The following PCSK2 variants were observed in gnomAD, a reference collection of about 807,000 sequenced individuals.
PCSK2 encodes proprotein convertase subtilisin/kexin type 2.
Under a neutral mutation model 69.7 loss-of-function variants are expected in PCSK2, and 14 were observed. The observed-to-expected ratio is 0.20, with a 90% CI of 0.13 to 0.31. The LOEUF (loss-of-function observed/expected upper bound fraction) is 0.31. PCSK2 is among the 10% of genes least tolerant of loss of function. The pLI, the probability that PCSK2 is intolerant of heterozygous loss-of-function variation, is 1.00. For synonymous variants in PCSK2, 307 were observed against 320.7 expected, an observed-to-expected ratio of 0.96 and a Z score of 0.46; for missense variants, 544 against 842.5, an observed-to-expected ratio of 0.65 and a Z score of 4.39.
intron 1 of PCSK2, among the ~76,000 whole-genome samples, chr20:17,253,841 T>C (rs1987082242): frequency 6.6e-6 from 1 of 152,188 alleles, no homozygotes; most frequent in Non-Finnish European, 1.5e-5. Flanking sequence ...GTATGAGGGT[T>C]CAAATTCCTC....
At chr20:17,238,923 T>C (rs1177765478) in intron 1 of PCSK2, among the ~76,000 whole-genome samples, 1 of 152,110 alleles carries the variant, frequency 6.6e-6, no homozygotes, top group Non-Finnish European at 1.5e-5. Context: ...ACTCAATAAA[T>C]ACCAAAATAA....
chr20:17,478,833 T>G (rs1329722675), intron 11 of PCSK2, among the ~76,000 whole-genome samples: 1 of 152,226 alleles, frequency 6.6e-6, no homozygotes, highest in East Asian at 1.9e-4. Context: ...AAGATTGTAT[T>G]TTCATGTCAT....
At chr20:17,345,652 G>A (rs938614530) in intron 2 of PCSK2, among the ~76,000 whole-genome samples, 1 of 152,158 alleles carries the variant, frequency 6.6e-6, no homozygotes. Context: ...AGAATTTGAG[G>A]CCCTACCTCA....
chr20:17,374,392 A>G (rs1225363681), intron 5 of PCSK2, among the ~76,000 whole-genome samples: 1 of 152,158 alleles, frequency 6.6e-6, no homozygotes, highest in Non-Finnish European at 1.5e-5. Flanking sequence ...TTCTTCAAGA[A>G]CATGTGGAGT....
intron 2 of PCSK2, among the ~76,000 whole-genome samples, chr20:17,341,016 G>A (rs764677169): frequency 7.2e-5 from 11 of 152,190 alleles, no homozygotes; most frequent in Admixed American, 2.0e-4. Context: ...TTGGGAGACT[G>A]AGGCAGGTGG....
chr20:17,402,829 C>T (rs1016287407), intron 5 of PCSK2, among the ~76,000 whole-genome samples: 1 of 151,992 alleles, frequency 6.6e-6, no homozygotes, highest in Non-Finnish European at 1.5e-5. Context: ...TGGTGGTGGG[C>T]TCCTGTAGTC....
At chr20:17,412,144 C>T (rs917562496) in intron 6 of PCSK2, among the ~76,000 whole-genome samples, 5 of 152,138 alleles carry the variant, frequency 3.3e-5, no homozygotes, top group Non-Finnish European at 5.9e-5. Flanking sequence ...CGCAGCTCCT[C>T]GACAGCAACA....
intron 11 of PCSK2, among the ~76,000 whole-genome samples, chr20:17,466,088 A>C (rs929955904): frequency 1.3e-5 from 2 of 152,206 alleles, no homozygotes; most frequent in African/African-American, 4.8e-5. Flanking sequence ...TAACTGTTTC[A>C]GTGATGTATG....
chr20:17,436,706 A>G lies in PCSK2; in HGVS notation c.710-2A>G. The G allele has an allele frequency of 6.2e-7, 1 of 1,610,496 alleles. No homozygotes were observed. Among genetic ancestry groups the G allele is most frequent in the Non-Finnish European group, 8.5e-7 (1 of 1,178,170 alleles). Reference sequence around the variant, plus strand: ...GGTGTCCTCTGCTCAACGTGTCCACAGGCATCCGGATGCTGGACCAGCCAT... The same window carrying G: ...GGTGTCCTCTGCTCAACGTGTCCACGGGCATCCGGATGCTGGACCAGCCAT... On this transcript the variant is annotated splice_acceptor_variant, in intron 7 of 11. Transcript: ENST00000262545. LOFTEE classifies it high-confidence loss of function.
intron 2 of PCSK2, among the ~76,000 whole-genome samples, chr20:17,292,187 T>C (rs1485301126): frequency 6.6e-6 from 1 of 152,170 alleles, no homozygotes; most frequent in Admixed American, 6.5e-5. Context: ...CACTCCAAAA[T>C]CAAATACATA....
chr20:17,347,837 AAAGAAAGAAAGAAAGAAAGAAAGAGG>A (rs1990697535), intron 2 of PCSK2, among the ~76,000 whole-genome samples: 1 of 143,584 alleles, frequency 7.0e-6, no homozygotes, highest in South Asian at 2.3e-4. Context: ...AGAAAGAAAG[AAAGAAAGAAAGAAAGAAAGAAAGAGG>A]AGAGAGAAAA....
At chr20:17,406,324 A>G (rs1297095389) in intron 5 of PCSK2, among the ~76,000 whole-genome samples, 1 of 152,260 alleles carries the variant, frequency 6.6e-6, no homozygotes, top group Non-Finnish European at 1.5e-5. Flanking sequence ...ATTTTTAGCC[A>G]GAAAACATAC....
At chr20:17,462,695 A>G (rs775940027) in intron 10 of PCSK2, among the ~76,000 whole-genome samples, 1 of 152,212 alleles carries the variant, frequency 6.6e-6, no homozygotes, top group Non-Finnish European at 1.5e-5. Context: ...ACAGACATCC[A>G]TACAATCACT....
chr20:17,461,181 C>G (rs1360070989), intron 10 of PCSK2, among the ~76,000 whole-genome samples: 1 of 152,096 alleles, frequency 6.6e-6, no homozygotes, highest in Non-Finnish European at 1.5e-5. Context: ...ATGAGATTTT[C>G]CACACCACAA....
intron 10 of PCSK2, among the ~76,000 whole-genome samples, chr20:17,458,883 T>G (rs551336161): frequency 4.6e-5 from 7 of 152,226 alleles, no homozygotes; most frequent in Non-Finnish European, 1.0e-4. Flanking sequence ...TCAGAGAAAT[T>G]TCAAAGAATT....
At chr20:17,419,817 G>A (rs2032083863) in intron 6 of PCSK2, among the ~76,000 whole-genome samples, 1 of 152,256 alleles carries the variant, frequency 6.6e-6, no homozygotes, top group East Asian at 1.9e-4. Context: ...CTCTTGCATA[G>A]CATTTCTTTG....
At chr20:17,405,442 C>G (rs1338191613) in intron 5 of PCSK2, among the ~76,000 whole-genome samples, 1 of 152,176 alleles carries the variant, frequency 6.6e-6, no homozygotes, top group Non-Finnish European at 1.5e-5. Context: ...ATGGGCACAG[C>G]CACCATTGAC....
intron 2 of PCSK2, among the ~76,000 whole-genome samples, chr20:17,268,033 G>GTATATATATATATATATATATATATATA (rs753655282): frequency 4.5e-5 from 3 of 66,310 alleles, no homozygotes; most frequent in South Asian, 4.1e-4. Context: ...TATCCAATGT[G>GTATATATATATATATATATATATATATA]TATATATATA....
At chr20:17,434,812 G>A (rs924577838) in intron 7 of PCSK2, among the ~76,000 whole-genome samples, 1 of 152,206 alleles carries the variant, frequency 6.6e-6, no homozygotes, top group African/African-American at 2.4e-5. Flanking sequence ...GCAAGTGAAC[G>A]CCAGCCTCTG....
Sources: gnomAD v4.1 joint callset for allele counts (sites outside exome capture counted in the v4.1 genomes callset) on GRCh38, gnomAD v4.1.1 for gene constraint, MANE v1.5 for transcripts, NCBI Gene and HGNC (gene_info 2026-07-23, HGNC 2026-07-21) for gene names.